PAK5: variants seen among roughly 807,000 people sequenced by gnomAD.
PAK5 encodes the protein serine/threonine-protein kinase PAK 5.
PAK5 carries 16 observed loss-of-function variants against 65.9 expected under a neutral mutation model. The observed-to-expected ratio is 0.24, with a 90% CI of 0.16 to 0.37. The LOEUF is 0.37. Among genes scored for constraint, PAK5 ranks in the 10% least tolerant of loss-of-function variants. PAK5 has a pLI of 1.00. For missense variants in PAK5, 785 were observed against 903.9 expected (o/e 0.87, Z 1.69); for synonymous variants, 371 against 354.9 (o/e 1.05, Z -0.51).
At chr20:9,811,543 C>T (rs141457333) in intron 1 of PAK5, among the ~76,000 whole-genome samples, 174 of 152,274 alleles carry the variant, frequency 1.1e-3, no homozygotes, top group Non-Finnish European at 9.3e-4. Context: ...TACTTTCACT[C>T]TCTTAAAGGT....
chr20:9,606,264 T>A (rs1600130706), intron 3 of PAK5, among the ~76,000 whole-genome samples: 1 of 152,314 alleles, frequency 6.6e-6, no homozygotes, highest in East Asian at 1.9e-4. Flanking sequence ...AGCCATGTGA[T>A]GTATCTGCTC....
At chr20:9,557,474 G>A (rs2045525162) in intron 7 of PAK5, 134 bp downstream of exon 7, 1 of 661,702 alleles carries the variant, frequency 1.5e-6, no homozygotes, top group Non-Finnish European at 2.5e-6. Context: ...TTTTGTAAGT[G>A]TTCTGGGAAG....
chr20:9,736,638 A>T (rs144074607), intron 1 of PAK5, among the ~76,000 whole-genome samples: 49 of 152,310 alleles, frequency 3.2e-4, no homozygotes, highest in African/African-American at 1.2e-3. Context: ...TCAAGATCAC[A>T]GAGGATTGGT....
At chr20:9,779,067 G>A (rs1213853638) in intron 1 of PAK5, among the ~76,000 whole-genome samples, 4 of 152,000 alleles carry the variant, frequency 2.6e-5, no homozygotes, top group African/African-American at 4.8e-5. Flanking sequence ...GAAATGAACA[G>A]TGCCTAGTAC....
At chr20:9,667,597 G>A (rs2423398) in intron 2 of PAK5, among the ~76,000 whole-genome samples, 7,379 of 149,404 alleles carry the variant, frequency 0.049, 213 homozygotes, top group South Asian at 0.084. Context: ...CATACCACTG[G>A]GGAAGCTCTA....
At chr20:9,769,834 A>G (rs1052494298) in intron 1 of PAK5, among the ~76,000 whole-genome samples, 3 of 152,236 alleles carry the variant, frequency 2.0e-5, no homozygotes, top group African/African-American at 7.2e-5. Context: ...ATCTGATATG[A>G]CCTCTGGCAT....
intron 1 of PAK5, among the ~76,000 whole-genome samples, chr20:9,788,752 T>C (rs2206483): frequency 0.72 from 109,359 of 151,998 alleles, 39,468 homozygotes; most frequent in Admixed American, 0.76. Flanking sequence ...CTATTCTTCT[T>C]GTCTTGGATA....
chr20:9,633,419 T>C (rs1034104455), intron 3 of PAK5, among the ~76,000 whole-genome samples: 1 of 152,152 alleles, frequency 6.6e-6, no homozygotes, highest in African/African-American at 2.4e-5. Context: ...AACTTAGAAA[T>C]TGGGTGAATT....
chr20:9,713,002 C>A (rs1056216277), intron 1 of PAK5, among the ~76,000 whole-genome samples: 1 of 151,640 alleles, frequency 6.6e-6, no homozygotes, highest in Non-Finnish European at 1.5e-5. Context: ...GCAAAAAAAC[C>A]AAAAGTAGAC....
chr20:9,772,845 G>A (rs76537564), intron 1 of PAK5, among the ~76,000 whole-genome samples: 6,658 of 152,242 alleles, frequency 0.044, 480 homozygotes, highest in African/African-American at 0.15. Context: ...AAGGCTGGAT[G>A]TGTCAGGGAG....
chr20:9,702,350 T>C (rs910211249), intron 2 of PAK5, among the ~76,000 whole-genome samples: 2 of 152,092 alleles, frequency 1.3e-5, no homozygotes, highest in African/African-American at 4.8e-5. Context: ...GCCCTAAGGA[T>C]TCCTGCATGC....
chr20:9,583,167 ACACT>A, intron 3 of PAK5, among the ~76,000 whole-genome samples: 1 of 152,220 alleles, frequency 6.6e-6, no homozygotes. Context: ...ACTCATGAAC[ACACT>A]CACACACCTA....
chr20:9,760,551 G>A (rs1193097433), intron 1 of PAK5, among the ~76,000 whole-genome samples: 1 of 145,490 alleles, frequency 6.9e-6, no homozygotes, highest in Non-Finnish European at 1.5e-5. Flanking sequence ...GTTCTCAACA[G>A]AGAATTTCAA....
intron 2 of PAK5, among the ~76,000 whole-genome samples, chr20:9,650,550 C>T (rs2047189993): frequency 6.6e-6 from 1 of 152,188 alleles, no homozygotes; most frequent in South Asian, 2.1e-4. Context: ...GCTTCTGTTG[C>T]CATTCCCTTT....
intron 3 of PAK5, among the ~76,000 whole-genome samples, chr20:9,641,753 C>T (rs1431295571): frequency 2.6e-5 from 4 of 152,146 alleles, no homozygotes; most frequent in Admixed American, 6.5e-5. Flanking sequence ...CAGCTAAGGC[C>T]CGGCGAGAAA....
chr20:9,573,832 AGGGAGTGGGCGGCAGCT>A (rs1405311840), intron 4 of PAK5, among the ~76,000 whole-genome samples: 1 of 151,914 alleles, frequency 6.6e-6, no homozygotes, highest in African/African-American at 2.4e-5. Context: ...GGCGAGTTAC[AGGGAGTGGGCGGCAGCT>A]GGTTCCAGTG....
intron 7 of PAK5, among the ~76,000 whole-genome samples, chr20:9,551,934 A>G (rs2045435233): frequency 6.6e-6 from 1 of 152,222 alleles, no homozygotes; most frequent in Non-Finnish European, 1.5e-5. Flanking sequence ...TCAGGCATAA[A>G]GATGCAGATG....
At chr20:9,595,773 T>C (rs2046252891) in intron 3 of PAK5, among the ~76,000 whole-genome samples, 1 of 152,192 alleles carries the variant, frequency 6.6e-6, no homozygotes, top group Non-Finnish European at 1.5e-5. Context: ...TAGAAAGGCC[T>C]CCTGACACAC....
At chr20:9,757,602 G>T (rs2048649817) in intron 1 of PAK5, among the ~76,000 whole-genome samples, 1 of 152,106 alleles carries the variant, frequency 6.6e-6, no homozygotes, top group African/African-American at 2.4e-5. Flanking sequence ...GGAGGGTTTT[G>T]TCATATTTCA....
Sources: allele counts gnomAD v4.1 joint callset (sites outside exome capture counted in the v4.1 genomes callset), GRCh38; gene constraint gnomAD v4.1.1; transcripts MANE v1.5; gene names NCBI Gene and HGNC (gene_info 2026-07-23, HGNC 2026-07-21).